Variants in LIN9 observed in about 807,000 individuals in gnomAD.
LIN9 encodes lin-9 DREAM MuvB core complex component.
LIN9 carries 18 observed loss-of-function variants against 78.0 expected under a neutral mutation model. That is an observed-to-expected ratio of 0.23 (90% CI 0.16 to 0.34). The LOEUF (loss-of-function observed/expected upper bound fraction) is 0.34, where lower values mean the gene tolerates loss of function less well. LIN9 is among the 10% of genes least tolerant of loss of function. The pLI is 1.00. For missense variants in LIN9, 451 were observed against 644.1 expected (o/e 0.70, Z 3.25); for synonymous variants, 192 against 215.2 (o/e 0.89, Z 0.94).
At chr1:226,247,498 T>A (rs1468093098) in intron 11 of LIN9, among the ~76,000 whole-genome samples, 2 of 152,150 alleles carry the variant, frequency 1.3e-5, no homozygotes, top group Non-Finnish European at 2.9e-5. Flanking sequence ...ACTCTAATTT[T>A]GGCCTCCAAC....
Position 226,233,523 on chromosome 1 carries a change from G to C in LIN9, c.1246C>G (p.Leu416Val). The C allele has an allele frequency of 6.2e-7, 1 of 1,609,960 alleles. No individual in the cohort carries two copies. Among genetic ancestry groups the C allele is most frequent in the Non-Finnish European group, 8.5e-7 (1 of 1,178,432 alleles). Residue 416 changes from leucine (L) to valine (V), a missense_variant and splice_region_variant, in exon 13 of 15, where the codon CTT becomes GTT. Transcript: ENST00000681046. The part of the protein sequence containing the change: ...LHKVQQYCYE[L>V]APDQGLQPAD... ...GGCTGGAGCCCCTGGTCTGGAGCAA[G>C]CTGAATACAGATGATTGAAGCATGA... is the stretch of plus-strand genomic sequence containing the variant.
At chr1:226,259,810 A>G (rs1432382711) in intron 10 of LIN9, among the ~76,000 whole-genome samples, 5 of 152,214 alleles carry the variant, frequency 3.3e-5, no homozygotes, top group Non-Finnish European at 2.9e-5. Flanking sequence ...TCGAATGCAT[A>G]TATTAGTAAA....
chr1:226,253,801 G>A (rs908750905), intron 10 of LIN9, among the ~76,000 whole-genome samples: 3 of 151,966 alleles, frequency 2.0e-5, no homozygotes, highest in Non-Finnish European at 4.4e-5. Flanking sequence ...TGTAATCCTG[G>A]CTACTCAGAA....
chr1:226,257,057 G>T (rs1422019682), intron 10 of LIN9, among the ~76,000 whole-genome samples: 1 of 151,514 alleles, frequency 6.6e-6, no homozygotes, highest in Middle Eastern at 3.5e-3. Context: ...AGGTCCAAGC[G>T]ATTCTCGTGC....
At chr1:226,247,049 C>T (rs1658527905) in intron 11 of LIN9, among the ~76,000 whole-genome samples, 1 of 151,684 alleles carries the variant, frequency 6.6e-6, no homozygotes, top group South Asian at 2.1e-4. Context: ...TCATTTTTAT[C>T]TTCATGTTTC....
chr1:226,301,250 A>C, intron 1 of LIN9, 45 bp from the exon 2 acceptor site: 1 of 1,489,064 alleles, frequency 6.7e-7, no homozygotes, highest in Non-Finnish European at 9.2e-7. Flanking sequence ...TCATAACCAA[A>C]GTGAGAGAAA....
chr1:226,273,358 C>T (rs898732210), intron 7 of LIN9, among the ~76,000 whole-genome samples: 2 of 147,222 alleles, frequency 1.4e-5, no homozygotes, highest in Non-Finnish European at 1.5e-5. Context: ...AGGTAATCCT[C>T]CCATCTCAGC....
chr1:226,232,126 G>A lies in LIN9; in HGVS notation c.*375C>T, dbSNP rs1657376681. 4 of 398,652 alleles carry A rather than the reference G, an allele frequency of 1.0e-5. No homozygotes were observed. Among genetic ancestry groups the A allele is most frequent in the African/African-American group, 4.1e-5 (2 of 48,518 alleles). 24.7% of individuals were successfully genotyped at this position (398,652 alleles called of 1,614,324 possible). A position where few individuals can be genotyped will look rare whatever the true frequency, so the allele number is the denominator to read the frequency against. The stretch of plus-strand genomic sequence containing the variant: ...GCCACCGACATGAATAAAAAGACCA[G>A]GTTTCTTCATACTCTCCATTGCAGC... On this transcript the variant is annotated 3_prime_UTR_variant, in exon 15 of 15. Coordinates refer to ENST00000681046, the MANE Select transcript of LIN9 (RefSeq NM_001366245.2).
chr1:226,266,281 G>T lies in LIN9; in HGVS notation c.868C>A (p.Arg290=). The T allele has an allele frequency of 6.2e-7, 1 of 1,600,632 alleles. No individual in the cohort carries two copies. Among genetic ancestry groups the T allele is most frequent in the Non-Finnish European group, 8.5e-7 (1 of 1,171,538 alleles). Reference sequence around the variant, plus strand: ...GGGGTCATAAAAAATCGAGAAGGCCGCTGTTTTTGTCCAAAGGCAGCAATT... The same window carrying T: ...GGGGTCATAAAAAATCGAGAAGGCCTCTGTTTTTGTCCAAAGGCAGCAATT... The part of the protein sequence containing the change: ...MPIAAFGQKQ[R]PSRFFMTPPR... The change falls in exon 9 of 15, where the codon CGG becomes AGG. Residue 290 remains arginine, a synonymous_variant. Coordinates refer to ENST00000681046, the MANE Select transcript of LIN9 (RefSeq NM_001366245.2).
At chr1:226,270,916 T>C (rs774080493) in intron 7 of LIN9, among the ~76,000 whole-genome samples, 2 of 151,904 alleles carry the variant, frequency 1.3e-5, no homozygotes, top group Non-Finnish European at 2.9e-5. Flanking sequence ...ATTTATTTGA[T>C]AAATAAAATC....
intron 1 of LIN9, among the ~76,000 whole-genome samples, chr1:226,304,209 C>T (rs946440207): frequency 1.3e-5 from 2 of 152,196 alleles, no homozygotes; most frequent in Admixed American, 1.3e-4. Flanking sequence ...TCAGGCGAAT[C>T]TGATTAAATT....
In LIN9 at chr1:226,253,347, C is replaced by T. The variant is rs113717430; in HGVS notation, c.1039-2428G>A. 1.1e-3 allele frequency among the ~76,000 whole-genome samples: 164 copies of T among 151,762 alleles called. 1 individual carries two copies. Among genetic ancestry groups the T allele is most frequent in the African/African-American group, 3.6e-3 (151 of 41,438 alleles). ...GGAGATGGAATCTTGCTCTGTCGCC[C>T]AGGCTAGAACGCAACTGCATGATCT... On this transcript the variant is annotated intron_variant, in intron 10 of 14. Transcript: ENST00000681046.
At chr1:226,275,336 A>G (rs988537400) in intron 7 of LIN9, among the ~76,000 whole-genome samples, 1 of 152,218 alleles carries the variant, frequency 6.6e-6, no homozygotes, top group African/African-American at 2.4e-5. Flanking sequence ...GATTTGGCCT[A>G]TAGGCCGTAA....
chr1:226,278,064 C>T, intron 6 of LIN9, 132 bp from the exon 7 acceptor site: 1 of 644,052 alleles, frequency 1.6e-6, no homozygotes, highest in Non-Finnish European at 2.6e-6. Context: ...ACAATCTTGG[C>T]TCACTGCAAC....
chr1:226,273,020 T>C (rs916591390), intron 7 of LIN9, among the ~76,000 whole-genome samples: 3 of 152,124 alleles, frequency 2.0e-5, no homozygotes, highest in Non-Finnish European at 4.4e-5. Context: ...TAGCCCAGGC[T>C]AGTCTCAAAC....
intron 4 of LIN9, among the ~76,000 whole-genome samples, chr1:226,293,772 C>T (rs1046409579): frequency 3.3e-5 from 5 of 152,112 alleles, no homozygotes; most frequent in African/African-American, 9.7e-5. Flanking sequence ...TGGCCAGACT[C>T]GTCTCAAACT....
At chr1:226,232,989 G>T in intron 14 of LIN9, 107 bp downstream of exon 14, 1 of 638,158 alleles carries the variant, frequency 1.6e-6, no homozygotes, top group South Asian at 2.4e-5. Flanking sequence ...ATATTTAACG[G>T]ATAATAATAT....
chr1:226,235,958 G>A (rs1010095812), intron 12 of LIN9, among the ~76,000 whole-genome samples: 1 of 151,974 alleles, frequency 6.6e-6, no homozygotes, highest in Admixed American at 6.6e-5. Context: ...ATATGTATGT[G>A]TATTTTCGTA....
At chr1:226,292,896 T>G (rs1358815326) in intron 4 of LIN9, among the ~76,000 whole-genome samples, 1 of 152,234 alleles carries the variant, frequency 6.6e-6, no homozygotes, top group Non-Finnish European at 1.5e-5. Context: ...GATACTTATC[T>G]GTGTCTGTTT....
Sources: allele counts gnomAD v4.1 joint callset (sites outside exome capture counted in the v4.1 genomes callset), GRCh38; gene constraint gnomAD v4.1.1; transcripts MANE v1.5; gene names NCBI Gene and HGNC (gene_info 2026-07-23, HGNC 2026-07-21).